VARS2: variants seen among roughly 807,000 people sequenced by gnomAD.
VARS2 encodes the protein valine--tRNA ligase, mitochondrial.
Under a neutral mutation model 154.1 loss-of-function variants are expected in VARS2, and 105 were observed. The observed-to-expected ratio is 0.68, with a 90% CI of 0.58 to 0.80. The LOEUF is 0.80. VARS2 is among the 30% of genes least tolerant of loss of function. VARS2 has a pLI of 0.00. For synonymous variants in VARS2, 483 were observed against 539.5 expected, an observed-to-expected ratio of 0.90 and a Z score of 1.45; for missense variants, 1,157 against 1,361.4, an observed-to-expected ratio of 0.85 and a Z score of 2.36.
Position 30,923,431 on chromosome 6 carries a change from C to T in VARS2, c.2392C>T (p.Leu798Phe). 6.2e-7 allele frequency: 1 copy of T among 1,612,296 alleles called. No individual in the cohort carries two copies. ...TGCCCAGGAGTGTGAGCGGGGCTTC[C>T]TCACCCGAGAGCTCTCGCTCGTCAC... ...LAAQECERGF[L>F]TRELSLVTHA... Residue 798 changes from leucine to phenylalanine, a missense_variant, in exon 25 of 30, where the codon CTC (leucine) becomes TTC (phenylalanine). Transcript: ENST00000676266.
At chr6:30,914,671 A>G (rs1360282519) in intron 1 of VARS2, 139 bp from the exon 2 acceptor site, 11 of 1,088,910 alleles carry the variant, frequency 1.0e-5, no homozygotes, top group African/African-American at 1.6e-5. Context: ...TCTAGCTCTC[A>G]AGGAGGAAAG....
In VARS2 at chr6:30,916,979, G is replaced by C; in HGVS notation, c.753+20G>C. On this transcript the variant is annotated intron_variant, in intron 8 of 29. Coordinates refer to ENST00000676266, the MANE Select transcript of VARS2 (RefSeq NM_020442.6). This position sits in a 1 kb window ranked among gnomAD's most constrained non-coding sequence, Gnocchi z 4.0. Reference sequence around the variant, plus strand: ...GATGTTGTGAGTGTTCTGTGCCTTGGTCCCTGTGAGTGATGGGCGATGTTT... The same window carrying C: ...GATGTTGTGAGTGTTCTGTGCCTTGCTCCCTGTGAGTGATGGGCGATGTTT... 4 of 1,614,094 alleles carry C rather than the reference G, an allele frequency of 2.5e-6. No individual in the cohort carries two copies. The South Asian group carries it at 4.4e-5, about 18-fold the overall frequency.
In VARS2 at chr6:30,920,091, G is replaced by A. The variant is rs202201763; in HGVS notation, c.1168G>A (p.Ala390Thr). ...TCACCATGGCTGTGCTCCCCAAGGGGCAGTGAAGGTGACTCCAGCTCACAG... is the reference window on the plus strand; with the variant it reads ...TCACCATGGCTGTGCTCCCCAAGGGACAGTGAAGGTGACTCCAGCTCACAG... ...YAVQPHVGTG[A>T]VKVTPAHSPA... The change falls in exon 13 of 30, where the codon GCA becomes ACA. Residue 390 changes from alanine (A) to threonine (T), a missense_variant and splice_region_variant. Physicochemically the swap from Ala to Thr is moderately conservative, Grantham distance 58 (BLOSUM62 0). Coordinates refer to ENST00000676266, the MANE Select transcript of VARS2 (RefSeq NM_020442.6). The surrounding 1 kb of genome is among the most constrained non-coding windows in gnomAD (Gnocchi z 4.6). The A allele has an allele frequency of 1.8e-4, 282 of 1,540,782 alleles. No individual in the cohort carries two copies. In the Admixed American group the frequency reaches 2.4e-3, roughly 13 times the overall value.
At position 30,920,589 on chromosome 6, in the gene VARS2, G is replaced by A. The variant is rs1794447431; in HGVS notation, c.1398-79G>A. ...ATTGTATCCTCAGTACCAAGGGCCT[G>A]GCATGGCATGGGGTCTTGTGCCCCT... is the stretch of plus-strand genomic sequence containing the variant. On this transcript the variant is annotated intron_variant, in intron 14 of 29. Coordinates refer to ENST00000676266, the MANE Select transcript of VARS2 (RefSeq NM_020442.6). This position sits in a 1 kb window ranked among gnomAD's most constrained non-coding sequence, Gnocchi z 4.6. 3.6e-6 allele frequency: 5 copies of A among 1,374,156 alleles called. No homozygotes were observed. In the African/African-American group the frequency reaches 4.3e-5, roughly 12 times the overall value. 85.1% of individuals were successfully genotyped at this position (1,374,156 alleles called of 1,614,324 possible). A position where few individuals can be genotyped will look rare whatever the true frequency, so the allele number is the denominator to read the frequency against.
intron 11 of VARS2, 24 bp downstream of exon 11, chr6:30,918,939 C>T (rs1180859380): frequency 1.2e-6 from 2 of 1,600,862 alleles, no homozygotes; most frequent in Admixed American, 3.3e-5. Flanking sequence ...CGCTCCTGCA[C>T]TCTGGCCCGC....
At position 30,916,119 on chromosome 6, in the gene VARS2, G is replaced by A; in HGVS notation, c.574-33G>A. ...TTCCCCCAAAGCAACCAAGCAACCT[G>A]ACTCTGTTCATTTGCCCTGAATCCA... On this transcript the variant is annotated intron_variant, in intron 6 of 29. Transcript: ENST00000676266. The surrounding 1 kb of genome is among the most constrained non-coding windows in gnomAD (Gnocchi z 4.0). 1 of 1,597,712 alleles carries A rather than the reference G, an allele frequency of 6.3e-7. No individual in the cohort carries two copies.
intron 26 of VARS2, 73 bp downstream of exon 26, chr6:30,924,633 G>A: frequency 2.5e-6 from 2 of 793,282 alleles, no homozygotes; most frequent in Non-Finnish European, 4.0e-6. Flanking sequence ...GTTTGCTGCA[G>A]GGGGCTCATC....
rs770692904 is a variant in VARS2, at chr6:30,915,959, C to T, written c.507-22C>T. 7.4e-6 allele frequency: 12 copies of T among 1,614,058 alleles called. No homozygotes were observed. The East Asian group carries it at 2.7e-4, about 36-fold the overall frequency. On this transcript the variant is annotated intron_variant, in intron 5 of 29. Transcript: ENST00000676266. ...ATAAACATTTAAGCTCAGGGGCTCA[C>T]AGGAGGGCATTTTTGTTGCAGGCAC...
At chr6:30,923,028 G>A in intron 23 of VARS2, 52 bp downstream of exon 23, 1 of 1,605,660 alleles carries the variant, frequency 6.2e-7, no homozygotes, top group Non-Finnish European at 8.5e-7. Flanking sequence ...GGGCACCTGT[G>A]CAGGGGCAGG....
Position 30,916,779 on chromosome 6 carries a change from A to G in VARS2, c.672-99A>G, listed in dbSNP as rs1039542040. 4.9e-6 allele frequency: 6 copies of G among 1,216,356 alleles called. No homozygotes were observed. The highest frequency in any genetic ancestry group is 7.3e-6 in the Non-Finnish European group (6 of 823,124). 75.3% of individuals were successfully genotyped at this position (1,216,356 alleles called of 1,614,324 possible). A position where few individuals can be genotyped will look rare whatever the true frequency, so the allele number is the denominator to read the frequency against. ...GCTAGATCAATGCCATCCTCACTTGATTTTCCTCCAACACCTGGCATTGCT... is the reference window on the plus strand; with the variant it reads ...GCTAGATCAATGCCATCCTCACTTGGTTTTCCTCCAACACCTGGCATTGCT... On this transcript the variant is annotated intron_variant, in intron 7 of 29. Transcript: ENST00000676266. The surrounding 1 kb of genome is among the most constrained non-coding windows in gnomAD (Gnocchi z 4.0).
In VARS2 at chr6:30,921,871, T is replaced by G; in HGVS notation, c.1736-54T>G. On this transcript the variant is annotated intron_variant, in intron 18 of 29. Transcript: ENST00000676266. The surrounding 1 kb of genome is among the most constrained non-coding windows in gnomAD (Gnocchi z 4.6). The stretch of plus-strand genomic sequence containing the variant: ...GCCTAGAATGGTGGCAGCAGTGGTC[T>G]GAGGTCCTAGAAGCCAAGGTTCCAA... 2 of 1,607,632 alleles carry G rather than the reference T, an allele frequency of 1.2e-6. No individual in the cohort carries two copies. Among genetic ancestry groups the G allele is most frequent in the Non-Finnish European group, 1.7e-6 (2 of 1,175,514 alleles).
Position 30,921,263 on chromosome 6 carries a change from C to A in VARS2, c.1590C>A (p.Gly530=), listed in dbSNP as rs770997832. Residue 530 remains glycine (G), a synonymous_variant, in exon 17 of 30, where the codon GGC becomes GGA. Coordinates refer to ENST00000676266, the MANE Select transcript of VARS2 (RefSeq NM_020442.6). This position sits in a 1 kb window ranked among gnomAD's most constrained non-coding sequence, Gnocchi z 4.6. ...GTGTCTCCCGGCAGCTGTGGTGGGGCCATCAGATTCCAGCCTACCTGGTTG... is the reference window on the plus strand; with the variant it reads ...GTGTCTCCCGGCAGCTGTGGTGGGGACATCAGATTCCAGCCTACCTGGTTG... ...DWCVSRQLWW[G]HQIPAYLVVE... 1 of 1,614,066 alleles carries A rather than the reference C, an allele frequency of 6.2e-7. No homozygotes were observed. The highest frequency in any genetic ancestry group is 8.5e-7 in the Non-Finnish European group (1 of 1,180,014).
In VARS2 at chr6:30,925,647, A is replaced by AG; in HGVS notation, c.2891dup (p.Ala965ArgfsTer14). Reference sequence around the variant, plus strand: ...GTGGGGCTGTGGGCCTGTTACCCCCAGGCGCAGCAGCTCCCTCCGGCTGGG... The same window carrying AG: ...GTGGGGCTGTGGGCCTGTTACCCCCAGGGCGCAGCAGCTCCCTCCGGCTGGG... On this transcript the variant is annotated frameshift_variant, in exon 28 of 30. Transcript: ENST00000676266. LOFTEE classifies it high-confidence loss of function. 1 of 1,610,832 alleles carries AG rather than the reference A, an allele frequency of 6.2e-7. No homozygotes were observed. The highest frequency in any genetic ancestry group is 2.2e-5 in the East Asian group (1 of 44,870).
At chr6:30,918,758 C>T in intron 10 of VARS2, 69 bp from the exon 11 acceptor site, 4 of 1,215,254 alleles carry the variant, frequency 3.3e-6, no homozygotes, top group Non-Finnish European at 4.8e-6. Context: ...GTTCTACTGC[C>T]TTTAGCTATG....
intron 29 of VARS2, 33 bp downstream of exon 29, chr6:30,926,041 C>T (rs374626442): frequency 3.1e-6 from 5 of 1,612,888 alleles, no homozygotes; most frequent in African/African-American, 2.7e-5. Flanking sequence ...GAAGGCTCCA[C>T]CCCTGAGGGA....
Position 30,924,541 on chromosome 6 carries a change from AC to A in VARS2, c.2658del (p.Ser887AlafsTer27). The A allele has an allele frequency of 1.3e-6, 2 of 1,546,316 alleles. No individual in the cohort carries two copies. The highest frequency in any genetic ancestry group is 1.2e-5 in the South Asian group (1 of 82,404). On this transcript the variant is annotated frameshift_variant, in exon 26 of 30. Transcript: ENST00000676266. LOFTEE classifies it high-confidence loss of function. ...GCCCCCAGCATCTCGGTTGCCCCCT[AC>A]CCCAGCGCCTGCAGCTTGGTGAGTC... ...PPAPSISVAP[Y>X]PSACSLEHWR...
In VARS2 at chr6:30,920,433, G is replaced by T; in HGVS notation, c.1394G>T (p.Cys465Phe). 4 of 1,603,006 alleles carry T rather than the reference G, an allele frequency of 2.5e-6. No individual in the cohort carries two copies. In the East Asian group the frequency reaches 8.9e-5, roughly 36 times the overall value. Residue 465 changes from cysteine to phenylalanine, a missense_variant, in exon 14 of 30, where the codon TGC (cysteine) becomes TTC (phenylalanine). Transcript: ENST00000676266. This position sits in a 1 kb window ranked among gnomAD's most constrained non-coding sequence, Gnocchi z 4.6. ...LQNHPMVLPICSRSGDVIEYL... is the reference protein window; with the variant it reads ...LQNHPMVLPIFSRSGDVIEYL... ...AACCACCCCATGGTACTGCCCATCT[G>T]CAGGTAACCTCATTTTAACTCCTTT... is the stretch of plus-strand genomic sequence containing the variant.
Position 30,916,898 on chromosome 6 carries a change from A to G in VARS2, c.692A>G (p.Glu231Gly), listed in dbSNP as rs1204702737. The G allele has an allele frequency of 1.9e-6, 3 of 1,614,146 alleles. No individual in the cohort carries two copies. The highest frequency in any genetic ancestry group is 2.2e-5 in the East Asian group (1 of 44,882). The change falls in exon 8 of 30, where the codon GAG becomes GGG. Residue 231 changes from glutamate (E) to glycine (G), a missense_variant. Physicochemically the swap from Glu to Gly is moderately conservative, Grantham distance 98. Transcript: ENST00000676266. This position sits in a 1 kb window ranked among gnomAD's most constrained non-coding sequence, Gnocchi z 4.0. ...WKEAKGGEICEQLRALGASLD... is the reference protein window; with the variant it reads ...WKEAKGGEICGQLRALGASLD... Reference sequence around the variant, plus strand: ...CACAGGAAAGGTGGAGAGATCTGTGAGCAGCTGCGAGCTCTGGGTGCCTCC... The same window carrying G: ...CACAGGAAAGGTGGAGAGATCTGTGGGCAGCTGCGAGCTCTGGGTGCCTCC...
In VARS2 at chr6:30,924,551, C is replaced by T. The variant is rs1405245815; in HGVS notation, c.2664C>T (p.Ala888=). 1 of 1,530,320 alleles carries T rather than the reference C, an allele frequency of 6.5e-7. No individual in the cohort carries two copies. The highest frequency in any genetic ancestry group is 2.3e-5 in the East Asian group (1 of 44,366). The allele number at this position is 1,530,320 out of a possible 1,614,324, so 94.8% of individuals were successfully genotyped here. A position where few individuals can be genotyped will look rare whatever the true frequency, so the allele number is the denominator to read the frequency against. The change falls in exon 26 of 30, where the codon GCC becomes GCT. Residue 888 remains alanine (A), a synonymous_variant. Coordinates refer to ENST00000676266, the MANE Select transcript of VARS2 (RefSeq NM_020442.6). ...TCTCGGTTGCCCCCTACCCCAGCGC[C>T]TGCAGCTTGGTGAGTCCCAAGCACC... ...PSISVAPYPS[A]CSLEHWRQPE...
Sources: allele counts gnomAD v4.1 joint callset, GRCh38; gene constraint gnomAD v4.1.1; non-coding constraint Gnocchi (gnomAD v3.1); transcripts MANE v1.5; gene names NCBI Gene and HGNC (gene_info 2026-07-23, HGNC 2026-07-21).